The following HPSE2 variants were observed in gnomAD, a reference collection of about 807,000 sequenced individuals.
The protein encoded by HPSE2 is inactive heparanase-2.
Under a neutral mutation model 60.5 loss-of-function variants are expected in HPSE2, and 38 were observed. That is an observed-to-expected ratio of 0.63 (90% CI 0.48 to 0.82). The LOEUF (loss-of-function observed/expected upper bound fraction) is 0.82. HPSE2 is among the 40% of genes least tolerant of loss of function. The pLI, the probability that HPSE2 is intolerant of heterozygous loss-of-function variation, is 0.00. For missense variants in HPSE2, 713 were observed against 740.4 expected (o/e 0.96, Z 0.43); for synonymous variants, 295 against 293.2 (o/e 1.01, Z -0.06).
chr10:98,874,554 A>C (rs568084134), intron 3 of HPSE2, among the ~76,000 whole-genome samples: 1 of 152,218 alleles, frequency 6.6e-6, no homozygotes, highest in Non-Finnish European at 1.5e-5. Flanking sequence ...TGTTGTCTGC[A>C]AACAGAGACA....
At chr10:99,037,187 C>A (rs1285708957) in intron 3 of HPSE2, among the ~76,000 whole-genome samples, 1 of 152,040 alleles carries the variant, frequency 6.6e-6, no homozygotes, top group Non-Finnish European at 1.5e-5. Context: ...AAGAAAAGAG[C>A]AAGGAATTAC....
chr10:98,773,025 C>T (rs1284731833), intron 3 of HPSE2, among the ~76,000 whole-genome samples: 1 of 152,132 alleles, frequency 6.6e-6, no homozygotes, highest in Non-Finnish European at 1.5e-5. Context: ...AGGCCTTTAA[C>T]TTCTACTTCA....
intron 3 of HPSE2, among the ~76,000 whole-genome samples, chr10:99,116,409 C>A (rs557328130): frequency 8.4e-4 from 128 of 152,218 alleles, no homozygotes; most frequent in Admixed American, 4.8e-3. Context: ...TACAAAAAAA[C>A]CCCAGAAAAT....
intron 3 of HPSE2, among the ~76,000 whole-genome samples, chr10:99,077,433 TGAATA>T (rs1011548420): frequency 5.9e-5 from 9 of 152,180 alleles, no homozygotes; most frequent in African/African-American, 2.2e-4. Context: ...TTCATCTGAC[TGAATA>T]ATTTCTGGTA....
At chr10:98,832,985 A>C (rs973301568) in intron 3 of HPSE2, among the ~76,000 whole-genome samples, 8 of 152,182 alleles carry the variant, frequency 5.3e-5, no homozygotes, top group Non-Finnish European at 1.2e-4. Context: ...AAAAGCACTG[A>C]AATCTATGAT....
Position 99,235,712 on chromosome 10 carries a change from G to C in HPSE2, c.91C>G (p.Leu31Val). ...GAGGAAAGGGAGAGATGGAGCAACA[G>C]AGCCAAGTAGAGAGCCCCCGGGGCT... ...CLAPGALYLA[L>V]LLHLSLSSQA... The change falls in exon 1 of 12, where the codon CTG becomes GTG. Residue 31 changes from leucine (L) to valine (V), a missense_variant. By Grantham distance (32) the Leu-to-Val change is conservative (BLOSUM62 1). Transcript: ENST00000370552. The C allele has an allele frequency of 1.2e-6, 2 of 1,614,080 alleles. No homozygotes were observed. The highest frequency in any genetic ancestry group is 1.7e-6 in the Non-Finnish European group (2 of 1,180,024).
intron 9 of HPSE2, among the ~76,000 whole-genome samples, chr10:98,544,302 A>G (rs1465245955): frequency 1.3e-5 from 2 of 152,224 alleles, no homozygotes; most frequent in Non-Finnish European, 2.9e-5. Flanking sequence ...GACACAACAT[A>G]CCAGAATCTC....
At chr10:98,698,691 T>C (rs1283584165) in intron 5 of HPSE2, among the ~76,000 whole-genome samples, 1 of 152,072 alleles carries the variant, frequency 6.6e-6, no homozygotes, top group African/African-American at 2.4e-5. Flanking sequence ...AAAAAATTAA[T>C]GAATCCAGGA....
chr10:99,081,155 T>C (rs1368885499), intron 3 of HPSE2, among the ~76,000 whole-genome samples: 1 of 152,174 alleles, frequency 6.6e-6, no homozygotes, highest in African/African-American at 2.4e-5. Context: ...TGTGCAAACA[T>C]CCGAAGGTAA....
chr10:98,460,297 AG>A (rs1244810277), intron 11 of HPSE2, among the ~76,000 whole-genome samples: 1 of 152,198 alleles, frequency 6.6e-6, no homozygotes, highest in Admixed American at 6.5e-5. Context: ...GAAGGGAGAC[AG>A]AGACATAGGT....
chr10:99,252,677 C>T, the HPSE2 span, among the ~76,000 whole-genome samples: 30 of 152,112 alleles, frequency 2.0e-4, no homozygotes, highest in African/African-American at 7.2e-4. Context: ...GAGATCGAGA[C>T]CATCCTGGCT....
intron 5 of HPSE2, among the ~76,000 whole-genome samples, chr10:98,718,797 G>C (rs1948851666): frequency 1.3e-5 from 2 of 152,126 alleles, no homozygotes; most frequent in South Asian, 2.1e-4. Context: ...GAAGGAGAGA[G>C]GGAGGATAAA....
chr10:98,504,697 G>C (rs1942140256), intron 9 of HPSE2, among the ~76,000 whole-genome samples: 1 of 152,020 alleles, frequency 6.6e-6, no homozygotes, highest in African/African-American at 2.4e-5. Context: ...GGCTGAGGCG[G>C]GAGAATGGCG....
intron 4 of HPSE2, among the ~76,000 whole-genome samples, chr10:98,738,196 T>C (rs942779431): frequency 9.9e-5 from 15 of 152,130 alleles, no homozygotes; most frequent in Admixed American, 8.5e-4. Context: ...CAACCATCTG[T>C]TCTTTGATAA....
intron 3 of HPSE2, among the ~76,000 whole-genome samples, chr10:98,829,269 C>T (rs1394551724): frequency 1.3e-5 from 2 of 152,136 alleles, no homozygotes; most frequent in Admixed American, 6.5e-5. Flanking sequence ...GTGGCTCACA[C>T]CTGTAATCCC....
intron 6 of HPSE2, among the ~76,000 whole-genome samples, chr10:98,690,407 G>C (rs536269358): frequency 3.6e-4 from 55 of 152,258 alleles, no homozygotes; most frequent in African/African-American, 1.3e-3. Flanking sequence ...CTGGCGTGGT[G>C]GTGGGTACCT....
intron 3 of HPSE2, among the ~76,000 whole-genome samples, chr10:99,130,376 C>CA (rs998245093): frequency 1.6e-4 from 25 of 151,842 alleles, no homozygotes; most frequent in South Asian, 4.2e-4. Flanking sequence ...CAAAAATCCT[C>CA]AAAAAAAATA....
At chr10:98,611,899 T>C (rs1365859532) in intron 9 of HPSE2, among the ~76,000 whole-genome samples, 1 of 152,228 alleles carries the variant, frequency 6.6e-6, no homozygotes, top group Non-Finnish European at 1.5e-5. Flanking sequence ...GTGGAACTTG[T>C]TTTCTCTTCC....
intron 9 of HPSE2, among the ~76,000 whole-genome samples, chr10:98,545,681 A>G (rs1943645932): frequency 6.6e-6 from 1 of 152,054 alleles, no homozygotes; most frequent in African/African-American, 2.4e-5. Flanking sequence ...TCTATGACAA[A>G]CCCACGCCAA....
Sources: gnomAD v4.1 joint callset for allele counts (sites outside exome capture counted in the v4.1 genomes callset) on GRCh38, gnomAD v4.1.1 for gene constraint, MANE v1.5 for transcripts, NCBI Gene and HGNC (gene_info 2026-07-23, HGNC 2026-07-21) for gene names.